The following ZNF44 variants were observed in gnomAD, a reference collection of about 807,000 sequenced individuals.
ZNF44 encodes gonadotropin inducible transcription repressor-2.
In ZNF44, 9 loss-of-function variants were observed where a neutral mutation model predicts 11.7. The observed-to-expected ratio is 0.77, with a 90% CI of 0.46 to 1.35. The LOEUF (loss-of-function observed/expected upper bound fraction) is 1.35, where lower values mean the gene tolerates loss of function less well. Among genes scored for constraint, ZNF44 ranks in the 40% most tolerant of loss-of-function variants. The pLI is 0.00. For missense variants in ZNF44, 696 were observed against 743.1 expected (o/e 0.94, Z 0.74); for synonymous variants, 224 against 242.7 (o/e 0.92, Z 0.72).
rs555267801 is a variant in ZNF44, at chr19:12,277,627, A to C, written c.4-1545T>G. Among the ~76,000 whole-genome samples, 10 of 152,376 alleles carry C rather than the reference A, an allele frequency of 6.6e-5. No individual in the cohort carries two copies. In the East Asian group the frequency reaches 1.9e-3, roughly 29 times the overall value. On this transcript the variant is annotated intron_variant, in intron 1 of 3. Coordinates refer to ENST00000355684, the MANE Select transcript of ZNF44 (RefSeq NM_016264.4). Reference sequence around the variant, plus strand: ...TATTAACAGAGAGAAAAAGATACATAAACAGGAAAGTGAAAAATGATAGAA... The same window carrying C: ...TATTAACAGAGAGAAAAAGATACATCAACAGGAAAGTGAAAAATGATAGAA...
At chr19:12,260,547 C>A in intron 5 of ZNF44, 2 of 834,706 alleles carry the variant, frequency 2.4e-6, no homozygotes, top group South Asian at 3.1e-5. Flanking sequence ...AGCCCCCTGC[C>A]CCCAAAGCAA....
chr19:12,260,966 C>A (rs566062392), intron 5 of ZNF44, among the ~76,000 whole-genome samples: 17 of 152,238 alleles, frequency 1.1e-4, no homozygotes, highest in African/African-American at 4.1e-4. Flanking sequence ...CCTAGAAGGG[C>A]GAGGCTGCAA....
At chr19:12,250,331 G>C (rs758913897) in exon 6 of ZNF44, 126 of 1,366,194 alleles carry the variant, frequency 9.2e-5, no homozygotes, top group Non-Finnish European at 1.2e-4. Context: ...TTCCTCCTGG[G>C]TGAAGTTCAC....
chr19:12,292,345 A>C (rs762645101), intron 1 of ZNF44, among the ~76,000 whole-genome samples: 1 of 151,136 alleles, frequency 6.6e-6, no homozygotes, highest in Non-Finnish European at 1.5e-5. Flanking sequence ...AGGAATAGAA[A>C]ACTACATATA....
chr19:12,244,905 C>T (rs1345428298), downstream of ZNF44, among the ~76,000 whole-genome samples: 2 of 152,164 alleles, frequency 1.3e-5, no homozygotes, highest in African/African-American at 4.8e-5. Context: ...TATAAGAAGT[C>T]CTCTTGAGCA....
At chr19:12,291,003 T>C in intron 1 of ZNF44, 2 of 235,250 alleles carry the variant, frequency 8.5e-6, no homozygotes, top group South Asian at 9.4e-5. Context: ...TCACTCAAAT[T>C]CAGTGTTTAC....
chr19:12,274,690 C>G (rs1238464466), intron 3 of ZNF44, among the ~76,000 whole-genome samples: 1 of 152,028 alleles, frequency 6.6e-6, no homozygotes, highest in Admixed American at 6.6e-5. Context: ...CTGTCTCAGC[C>G]TCCCAAAGTG....
intron 5 of ZNF44, among the ~76,000 whole-genome samples, chr19:12,261,289 T>G (rs1338502026): frequency 3.3e-5 from 5 of 152,150 alleles, no homozygotes; most frequent in Admixed American, 1.3e-4. Flanking sequence ...TGGTCAATTG[T>G]GAAACATTAA....
chr19:12,230,750 C>G (rs1207301916), intron 2 of ZNF44, among the ~76,000 whole-genome samples: 1 of 152,192 alleles, frequency 6.6e-6, no homozygotes, highest in Non-Finnish European at 1.5e-5. Context: ...CAGTCAAAGA[C>G]AGGTTTATTT....
chr19:12,278,086 G>A (rs1030613074), intron 1 of ZNF44, among the ~76,000 whole-genome samples: 17 of 152,182 alleles, frequency 1.1e-4, no homozygotes, highest in African/African-American at 3.4e-4. Context: ...TGACATGCTC[G>A]TGATGGCTAT....
At chr19:12,225,518 G>A (rs1407506497), downstream of ZNF44, among the ~76,000 whole-genome samples, 1 of 152,138 alleles carries the variant, frequency 6.6e-6, no homozygotes, top group Admixed American at 6.6e-5. Flanking sequence ...AGGCAGAGGT[G>A]CTGGTTTGGA....
chr19:12,237,031 T>C (rs1199266024), intron 1 of ZNF44: 2 of 152,274 alleles, frequency 1.3e-5, no homozygotes, highest in Non-Finnish European at 2.9e-5. Flanking sequence ...GGGTTATTCA[T>C]GAATTGCTCT....
chr19:12,281,302 G>A (rs1568452118), intron 1 of ZNF44, among the ~76,000 whole-genome samples: 1 of 152,120 alleles, frequency 6.6e-6, no homozygotes, highest in African/African-American at 2.4e-5. Flanking sequence ...CCTCAACAAA[G>A]TGGAGATTGA....
At chr19:12,268,739 A>AATTTTTTT (rs1917833327), downstream of ZNF44, among the ~76,000 whole-genome samples, 2 of 141,204 alleles carry the variant, frequency 1.4e-5, no homozygotes, top group Non-Finnish European at 3.0e-5. Flanking sequence ...ATGCCTGGCT[A>AATTTTTTT]ATTTTTTTTT....
rs1916951607 is a variant in ZNF44 at position 12,250,580 on chromosome 19, CAT to C, written c.1913-214_1913-213del. ...TCTACACTTTCACTGTGATCACAAT[CAT>C]ATTGCTTTCCAATGGCAGGATCCAG... On this transcript the variant is annotated intron_variant and NMD_transcript_variant, in intron 5 of 7. Transcript: ENST00000393337. Among the ~76,000 whole-genome samples the C allele has an allele frequency of 2.0e-5, 3 of 152,236 alleles. No homozygotes were observed. In the South Asian group the frequency reaches 6.2e-4, roughly 32 times the overall value.
At chr19:12,279,497 A>C (rs2145741225) in intron 1 of ZNF44, among the ~76,000 whole-genome samples, 1 of 152,316 alleles carries the variant, frequency 6.6e-6, no homozygotes, top group Non-Finnish European at 1.5e-5. Context: ...CCCCCAAAAA[A>C]ACCCCAGAGA....
intron 5 of ZNF44, among the ~76,000 whole-genome samples, chr19:12,262,845 A>G (rs1160833965): frequency 6.6e-6 from 1 of 152,208 alleles, no homozygotes; most frequent in Non-Finnish European, 1.5e-5. Flanking sequence ...AAGGGAAACT[A>G]CAGTTGAAGC....
intron 3 of ZNF44, among the ~76,000 whole-genome samples, chr19:12,226,922 C>T (rs567536240): frequency 5.9e-5 from 9 of 152,162 alleles, no homozygotes; most frequent in South Asian, 2.1e-4. Flanking sequence ...AAAAATTAGC[C>T]GGGTGTGGTG....
exon 8 of ZNF44, chr19:12,247,655 G>A (rs1176630571): frequency 2.2e-6 from 3 of 1,348,464 alleles, no homozygotes; most frequent in Admixed American, 2.0e-5. Flanking sequence ...GGGCAGAACT[G>A]CAACAATAAA....
Sources: allele counts gnomAD v4.1 joint callset (sites outside exome capture counted in the v4.1 genomes callset), GRCh38; gene constraint gnomAD v4.1.1; transcripts MANE v1.5; gene names NCBI Gene and HGNC (gene_info 2026-07-23, HGNC 2026-07-21).